The following KLHL29 variants were observed in gnomAD, a reference collection of about 807,000 sequenced individuals.
KLHL29 encodes the protein kelch-like protein 29.
KLHL29 carries 21 observed loss-of-function variants against 80.4 expected under a neutral mutation model. The ratio of observed to expected loss-of-function variants is 0.26; its 90% confidence interval spans 0.19 to 0.38. KLHL29 has a LOEUF of 0.38. Ranked by LOEUF, KLHL29 falls within the 10% of genes least tolerant of loss-of-function variation. The pLI is 1.00. For synonymous variants in KLHL29, 511 were observed against 526.8 expected (o/e 0.97, Z 0.41); for missense variants, 867 against 1,223.9 (o/e 0.71, Z 4.35).
Position 23,680,744 on chromosome 2 carries a change from T to C in KLHL29, c.941-3655T>C, listed in dbSNP as rs185694003. Among the ~76,000 whole-genome samples the C allele has an allele frequency of 4.8e-5, 7 of 147,252 alleles. No individual in the cohort carries two copies. The highest frequency in any genetic ancestry group is 1.8e-4 in the African/African-American group (7 of 39,100). On this transcript the variant is annotated intron_variant, in intron 5 of 13. Coordinates refer to ENST00000486442, the MANE Select transcript of KLHL29 (RefSeq NM_052920.2). The surrounding 1 kb of genome is among the most constrained non-coding windows in gnomAD (Gnocchi z 4.1). ...GTCTCTAGGCCATCTTCCCCTGGGGTCTCTAGGCCATCTTCTCCTGGGGTC... is the reference window on the plus strand; with the variant it reads ...GTCTCTAGGCCATCTTCCCCTGGGGCCTCTAGGCCATCTTCTCCTGGGGTC...
intron 1 of KLHL29, among the ~76,000 whole-genome samples, chr2:23,442,612 T>G (rs1663561837): frequency 6.6e-6 from 1 of 152,218 alleles, no homozygotes; most frequent in African/African-American, 2.4e-5. Context: ...ACACTTCTAC[T>G]TCAGCCAAGT....
intron 2 of KLHL29, among the ~76,000 whole-genome samples, chr2:23,527,184 G>A (rs562531474): frequency 1.6e-3 from 237 of 152,282 alleles, no homozygotes; most frequent in Middle Eastern, 3.4e-3. Flanking sequence ...CGGAGGACAC[G>A]TGTGTTTCCT....
chr2:23,408,670 A>G (rs923660238), intron 1 of KLHL29, among the ~76,000 whole-genome samples: 3 of 152,062 alleles, frequency 2.0e-5, no homozygotes, highest in Admixed American at 6.5e-5. Flanking sequence ...GATGGATGGA[A>G]CTCTTTTTAA....
intron 2 of KLHL29, chr2:23,507,088 C>A (rs182138064): frequency 2.3e-6 from 1 of 444,128 alleles, no homozygotes; most frequent in Non-Finnish European, 4.8e-6. Flanking sequence ...TGAAGGCAGC[C>A]GCATTTCCTC....
chr2:23,705,610 G>A (rs1215771220), intron 13 of KLHL29, among the ~76,000 whole-genome samples: 1 of 152,212 alleles, frequency 6.6e-6, no homozygotes, highest in African/African-American at 2.4e-5. Flanking sequence ...CAGATGGCAT[G>A]AACTAAGGGA....
chr2:23,568,481 A>G (rs1372362540), intron 3 of KLHL29, among the ~76,000 whole-genome samples: 3 of 152,210 alleles, frequency 2.0e-5, no homozygotes, highest in Non-Finnish European at 4.4e-5. Context: ...CTGTTGGCCA[A>G]GGTGCCTCAG....
At chr2:23,387,018 G>C (rs1666199847) in intron 1 of KLHL29, among the ~76,000 whole-genome samples, 2 of 152,150 alleles carry the variant, frequency 1.3e-5, no homozygotes, top group African/African-American at 2.4e-5. Flanking sequence ...GGCCCCCAGA[G>C]ATGCTGATGG....
chr2:23,413,343 G>A lies in KLHL29; in HGVS notation c.-154+27563G>A, dbSNP rs984598695. On this transcript the variant is annotated intron_variant, in intron 1 of 13. Coordinates refer to ENST00000486442, the MANE Select transcript of KLHL29 (RefSeq NM_052920.2). ...CCATTTCCATCCTGACTGCCCACAT[G>A]CTGTGTGATCCATTTTCTTTGTGGC... is the stretch of plus-strand genomic sequence containing the variant. Among the ~76,000 whole-genome samples the A allele has an allele frequency of 2.6e-5, 4 of 152,180 alleles. No individual in the cohort carries two copies. The South Asian group carries it at 8.3e-4, about 32-fold the overall frequency.
chr2:23,406,723 T>C (rs1666747475), intron 1 of KLHL29, among the ~76,000 whole-genome samples: 1 of 152,222 alleles, frequency 6.6e-6, no homozygotes, highest in Non-Finnish European at 1.5e-5. Flanking sequence ...CCCTGGTCTC[T>C]ATCTGTGCAT....
intron 3 of KLHL29, among the ~76,000 whole-genome samples, chr2:23,615,587 A>G (rs1381017305): frequency 6.6e-6 from 1 of 152,058 alleles, no homozygotes; most frequent in Non-Finnish European, 1.5e-5. Context: ...GGGCCGGAGC[A>G]CCTGCACTGG....
intron 1 of KLHL29, among the ~76,000 whole-genome samples, chr2:23,406,120 G>A (rs1486833446): frequency 6.6e-6 from 1 of 152,126 alleles, no homozygotes; most frequent in Non-Finnish European, 1.5e-5. Flanking sequence ...TTTGAGGTCA[G>A]AAGTTCGATA....
At chr2:23,396,690 A>G (rs1666459354) in intron 1 of KLHL29, among the ~76,000 whole-genome samples, 1 of 152,162 alleles carries the variant, frequency 6.6e-6, no homozygotes, top group Admixed American at 6.5e-5. Context: ...GCTAATCATC[A>G]AAACTTGAAT....
At chr2:23,493,700 C>T (rs761986617) in intron 2 of KLHL29, among the ~76,000 whole-genome samples, 9 of 151,838 alleles carry the variant, frequency 5.9e-5, no homozygotes, top group Non-Finnish European at 1.2e-4. Flanking sequence ...CATGTTTATG[C>T]GTGTGTGTCT....
At chr2:23,490,108 G>A (rs555877694) in intron 2 of KLHL29, among the ~76,000 whole-genome samples, 4 of 152,218 alleles carry the variant, frequency 2.6e-5, no homozygotes, top group Non-Finnish European at 5.9e-5. Context: ...GCGTGCAGGC[G>A]CATACATTCT....
intron 2 of KLHL29, among the ~76,000 whole-genome samples, chr2:23,529,905 T>C (rs1000608876): frequency 6.6e-6 from 1 of 152,188 alleles, no homozygotes; most frequent in Non-Finnish European, 1.5e-5. Flanking sequence ...GGTGTGCCCA[T>C]GTCCTGAGAG....
chr2:23,655,774 A>C (rs1452985819), intron 5 of KLHL29, among the ~76,000 whole-genome samples: 4 of 152,178 alleles, frequency 2.6e-5, no homozygotes, highest in African/African-American at 9.7e-5. Context: ...CCCGGGCTCC[A>C]GTAGGGTAAG....
intron 1 of KLHL29, among the ~76,000 whole-genome samples, chr2:23,439,731 G>A (rs372809227): frequency 2.7e-5 from 4 of 150,502 alleles, no homozygotes; most frequent in Admixed American, 2.6e-4. Flanking sequence ...TTACTTCCAA[G>A]TATGTGGTCA....
intron 5 of KLHL29, 199 bp downstream of exon 5, chr2:23,643,049 G>A (rs767935038): frequency 3.3e-4 from 240 of 727,834 alleles, no homozygotes; most frequent in Non-Finnish European, 5.0e-4. Context: ...TGTGGAGGGC[G>A]GGACAAACAA....
Position 23,684,796 on chromosome 2 carries a change from C to T in KLHL29, c.1079+259C>T, listed in dbSNP as rs569674605. ...GCTGGTCACCAGGGGCCTCTGCCAG[C>T]AGTAGACAACACCGTGCCCCACCCC... On this transcript the variant is annotated intron_variant, in intron 6 of 13. Transcript: ENST00000486442. This position sits in a 1 kb window ranked among gnomAD's most constrained non-coding sequence, Gnocchi z 4.4. Among the ~76,000 whole-genome samples the T allele has an allele frequency of 3.9e-5, 6 of 152,254 alleles. No homozygotes were observed. Among genetic ancestry groups the T allele is most frequent in the African/African-American group, 1.4e-4 (6 of 41,564 alleles).
Sources: gnomAD v4.1 joint callset for allele counts (sites outside exome capture counted in the v4.1 genomes callset) on GRCh38, gnomAD v4.1.1 for gene constraint, Gnocchi (gnomAD v3.1) non-coding constraint, MANE v1.5 for transcripts, NCBI Gene and HGNC (gene_info 2026-07-23, HGNC 2026-07-21) for gene names.